The following ST3GAL3 variants were observed in gnomAD, a reference collection of about 807,000 sequenced individuals.
ST3GAL3 encodes the protein CMP-N-acetylneuraminate-beta-1,4-galactoside alpha-2,3-sialyltransferase.
In ST3GAL3, 21 loss-of-function variants were observed where a neutral mutation model predicts 50.1. That is an observed-to-expected ratio of 0.42 (90% CI 0.30 to 0.60). ST3GAL3 has a LOEUF of 0.60. ST3GAL3 is among the 20% of genes least tolerant of loss of function. ST3GAL3 has a pLI of 0.19. For missense variants in ST3GAL3, 353 were observed against 489.4 expected, an observed-to-expected ratio of 0.72 and a Z score of 2.63; for synonymous variants, 183 against 190.0, an observed-to-expected ratio of 0.96 and a Z score of 0.30.
Position 43,733,515 on chromosome 1 carries a change from C to T in ST3GAL3, c.-30-2718C>T, listed in dbSNP as rs769163593. Among the ~76,000 whole-genome samples the T allele has an allele frequency of 6.2e-4, 95 of 152,312 alleles. 2 individuals carry two copies. In the Middle Eastern group the frequency reaches 0.01, roughly 16 times the overall value. On this transcript the variant is annotated intron_variant, in intron 1 of 11. Coordinates refer to ENST00000347631, the MANE Select transcript of ST3GAL3 (RefSeq NM_006279.5). ...TTCGTATGTGTGCGTATATGTATCT[C>T]TTTCTCTATTTGAGATAACATATTT... is the stretch of plus-strand genomic sequence containing the variant.
chr1:43,875,223 G>A (rs1168751173), intron 5 of ST3GAL3, among the ~76,000 whole-genome samples: 1 of 152,200 alleles, frequency 6.6e-6, no homozygotes, highest in African/African-American at 2.4e-5. Flanking sequence ...ATTTCAGTGT[G>A]TTGAGGATTG....
chr1:43,762,275 A>AG (rs1401561621), intron 2 of ST3GAL3, among the ~76,000 whole-genome samples: 7 of 151,508 alleles, frequency 4.6e-5, no homozygotes, highest in Non-Finnish European at 8.8e-5. Context: ...AAAAAAAAAA[A>AG]AAAGAAAGAA....
intron 3 of ST3GAL3, among the ~76,000 whole-genome samples, chr1:43,796,613 G>A (rs2058709082): frequency 6.6e-6 from 1 of 152,174 alleles, no homozygotes; most frequent in South Asian, 2.1e-4. Flanking sequence ...CAACCTGGTC[G>A]ATTGTCTGCT....
intron 3 of ST3GAL3, among the ~76,000 whole-genome samples, chr1:43,798,365 T>C (rs1405584428): frequency 6.6e-6 from 1 of 152,196 alleles, no homozygotes; most frequent in Non-Finnish European, 1.5e-5. Flanking sequence ...TCCAGTGACC[T>C]TACAGTACAT....
intron 3 of ST3GAL3, among the ~76,000 whole-genome samples, chr1:43,793,591 A>C (rs2058347356): frequency 6.6e-6 from 1 of 152,316 alleles, no homozygotes; most frequent in African/African-American, 2.4e-5. Context: ...CTCCCTTAGC[A>C]TCTTTCTATC....
At chr1:43,857,531 T>TTCCC (rs1270403984) in intron 5 of ST3GAL3, among the ~76,000 whole-genome samples, 3 of 118,122 alleles carry the variant, frequency 2.5e-5, no homozygotes, top group Admixed American at 8.3e-5. Context: ...TCCCTCCTCC[T>TTCCC]TCCCTCCCTC....
chr1:43,804,489 C>A (rs1260879675), intron 3 of ST3GAL3, among the ~76,000 whole-genome samples: 1 of 152,022 alleles, frequency 6.6e-6, no homozygotes, highest in Admixed American at 6.5e-5. Context: ...CAGGTAAAGA[C>A]CTTGGTTGAG....
intron 3 of ST3GAL3, among the ~76,000 whole-genome samples, chr1:43,802,091 A>G (rs1377564453): frequency 6.6e-6 from 1 of 152,234 alleles, no homozygotes; most frequent in Admixed American, 6.5e-5. Flanking sequence ...TTGAATTGCT[A>G]TACCATAAAA....
intron 3 of ST3GAL3, among the ~76,000 whole-genome samples, chr1:43,808,189 A>G (rs1430612477): frequency 1.3e-5 from 2 of 151,906 alleles, no homozygotes; most frequent in Admixed American, 6.6e-5. Context: ...CTGTAATCCC[A>G]GCTACTCGGG....
intron 2 of ST3GAL3, chr1:43,738,113 G>T (rs1303220568): frequency 6.6e-6 from 1 of 152,182 alleles, no homozygotes; most frequent in Non-Finnish European, 1.5e-5. Flanking sequence ...GGTAAAAAGA[G>T]AGAGAGAAAG....
chr1:43,808,099 C>T (rs1478653345), intron 3 of ST3GAL3, among the ~76,000 whole-genome samples: 3 of 151,906 alleles, frequency 2.0e-5, no homozygotes, highest in Admixed American at 6.6e-5. Flanking sequence ...GTCAGGAGTT[C>T]GAGACTGGCC....
chr1:43,813,420 T>C (rs2060801866), intron 3 of ST3GAL3, among the ~76,000 whole-genome samples: 1 of 152,220 alleles, frequency 6.6e-6, no homozygotes, highest in African/African-American at 2.4e-5. Context: ...TTCTTACCAA[T>C]GTTTGTAAGT....
At chr1:43,741,659 T>C (rs1680980755) in intron 2 of ST3GAL3, among the ~76,000 whole-genome samples, 1 of 152,158 alleles carries the variant, frequency 6.6e-6, no homozygotes, top group Non-Finnish European at 1.5e-5. Context: ...CTTAGGGAGG[T>C]ACTCTGCTTC....
At chr1:43,799,354 G>A (rs538050617) in intron 3 of ST3GAL3, among the ~76,000 whole-genome samples, 91 of 152,216 alleles carry the variant, frequency 6.0e-4, no homozygotes, top group African/African-American at 2.0e-3. Context: ...TGTGATTGTC[G>A]TAGTCTCTTT....
intron 4 of ST3GAL3, among the ~76,000 whole-genome samples, chr1:43,832,058 A>G (rs181291600): frequency 6.6e-6 from 1 of 152,240 alleles, no homozygotes; most frequent in Non-Finnish European, 1.5e-5. Flanking sequence ...TTTTATTTTT[A>G]AGGAAATAAA....
At chr1:43,756,883 A>G (rs558517708) in intron 2 of ST3GAL3, among the ~76,000 whole-genome samples, 1 of 152,200 alleles carries the variant, frequency 6.6e-6, no homozygotes, top group East Asian at 1.9e-4. Context: ...AGACCTATTA[A>G]TGTTACTAAA....
At chr1:43,851,782 C>T (rs779667064) in intron 5 of ST3GAL3, among the ~76,000 whole-genome samples, 2 of 152,158 alleles carry the variant, frequency 1.3e-5, no homozygotes, top group Non-Finnish European at 2.9e-5. Flanking sequence ...TGTGCCTAGC[C>T]TCAGTCCCAC....
chr1:43,759,065 G>GCGCACACACACACACACACACA (rs60386464), intron 2 of ST3GAL3, among the ~76,000 whole-genome samples: 5 of 75,450 alleles, frequency 6.6e-5, no homozygotes, highest in African/African-American at 1.6e-4. Flanking sequence ...AAAAGCGCGC[G>GCGCACACACACACACACACACA]CACACACACA....
At chr1:43,928,067 G>A (rs1477956498) in intron 11 of ST3GAL3, among the ~76,000 whole-genome samples, 2 of 152,222 alleles carry the variant, frequency 1.3e-5, no homozygotes, top group Admixed American at 1.3e-4. Context: ...AGTTTCAGAT[G>A]TAAAAGATTT....
Sources: allele counts gnomAD v4.1 joint callset (sites outside exome capture counted in the v4.1 genomes callset), GRCh38; gene constraint gnomAD v4.1.1; transcripts MANE v1.5; gene names NCBI Gene and HGNC (gene_info 2026-07-23, HGNC 2026-07-21).